Variants in DNAJA3 observed in about 807,000 individuals in gnomAD.
DNAJA3 encodes dnaJ homolog subfamily A member 3, mitochondrial.
A neutral mutation model predicts 54.9 loss-of-function variants in DNAJA3; 29 were observed. That is an observed-to-expected ratio of 0.53 (90% CI 0.39 to 0.72). DNAJA3 has a LOEUF of 0.72. DNAJA3 is among the 30% of genes least tolerant of loss of function. The pLI is 0.00. For synonymous variants in DNAJA3, 302 were observed against 251.4 expected, an observed-to-expected ratio of 1.20 and a Z score of -1.90; for missense variants, 708 against 639.4, an observed-to-expected ratio of 1.11 and a Z score of -1.16.
In DNAJA3 at chr16:4,455,707, A is replaced by C; in HGVS notation, c.*175A>C. ...AAATCATGGGACAACACCTCTCTCC[A>C]CGGAAAGGTCACAGTGGACAGCCCG... is the stretch of plus-strand genomic sequence containing the variant. On this transcript the variant is annotated 3_prime_UTR_variant, in exon 12 of 12. Transcript: ENST00000262375. 1.0e-6 allele frequency: 1 copy of C among 977,802 alleles called. No individual in the cohort carries two copies. Among genetic ancestry groups the C allele is most frequent in the Non-Finnish European group, 1.6e-6 (1 of 641,900 alleles). The allele number at this position is 977,802 out of a possible 1,614,324, so 60.6% of individuals were successfully genotyped here. A position where few individuals can be genotyped will look rare whatever the true frequency, so the allele number is the denominator to read the frequency against.
At chr16:4,448,316 C>T (rs532043789) in intron 8 of DNAJA3, among the ~76,000 whole-genome samples, 1 of 151,174 alleles carries the variant, frequency 6.6e-6, no homozygotes, top group Non-Finnish European at 1.5e-5. Flanking sequence ...TGAGCCACTG[C>T]GCCCGGCCTT....
intron 10 of DNAJA3, among the ~76,000 whole-genome samples, chr16:4,452,302 C>T (rs549266910): frequency 1.3e-5 from 2 of 152,240 alleles, no homozygotes; most frequent in African/African-American, 2.4e-5. Flanking sequence ...ACATAACATG[C>T]GAGATTGGTT....
chr16:4,442,230 C>G (rs2056844324), intron 4 of DNAJA3, 38 bp from the exon 5 acceptor site: 1 of 1,532,258 alleles, frequency 6.5e-7, no homozygotes, highest in Non-Finnish European at 8.8e-7. Flanking sequence ...TTGGTCGTTG[C>G]AAACAAAAGT....
intron 10 of DNAJA3, among the ~76,000 whole-genome samples, chr16:4,454,070 C>G (rs2057007860): frequency 6.6e-6 from 1 of 152,160 alleles, no homozygotes; most frequent in African/African-American, 2.4e-5. Flanking sequence ...CACAGCTTCC[C>G]TAGGTTGAGA....
chr16:4,430,414 T>C (rs930820762), intron 1 of DNAJA3: 2 of 151,544 alleles, frequency 1.3e-5, no homozygotes, highest in South Asian at 4.2e-4. Flanking sequence ...ATAGAAAAAG[T>C]TGGTCAGGCG....
At chr16:4,449,292 G>A (rs1348483351) in intron 9 of DNAJA3, among the ~76,000 whole-genome samples, 3 of 152,196 alleles carry the variant, frequency 2.0e-5, no homozygotes, top group Admixed American at 6.6e-5. Flanking sequence ...CACCATGCCC[G>A]GCCAGAATGG....
At chr16:4,437,051 A>T (rs1008783892) in intron 2 of DNAJA3, among the ~76,000 whole-genome samples, 4 of 151,800 alleles carry the variant, frequency 2.6e-5, no homozygotes, top group African/African-American at 4.8e-5. Context: ...GCTCACTGCA[A>T]CCTCCACCTC....
rs1037720685 is a variant in DNAJA3, at chr16:4,454,756, G to A, written c.1340-55G>A. The A allele has an allele frequency of 1.8e-5, 25 of 1,398,024 alleles. No homozygotes were observed. In the African/African-American group the frequency reaches 3.3e-4, roughly 18 times the overall value. 86.6% of individuals were successfully genotyped at this position (1,398,024 alleles called of 1,614,324 possible). ...GGCGGGGGTAGGTGGGCCCTGGGAT[G>A]TGACTGTGGAAGTGCAGGCCCATGA... is the stretch of plus-strand genomic sequence containing the variant. On this transcript the variant is annotated intron_variant, in intron 10 of 11. Transcript: ENST00000262375.
intron 1 of DNAJA3, among the ~76,000 whole-genome samples, chr16:4,427,595 A>C (rs569500567): frequency 7.9e-5 from 12 of 152,346 alleles, no homozygotes; most frequent in African/African-American, 2.6e-4. Context: ...ATTGTATGCC[A>C]GCCACTGTTC....
intron 6 of DNAJA3, among the ~76,000 whole-genome samples, chr16:4,444,107 A>G (rs2056872836): frequency 6.6e-6 from 1 of 152,192 alleles, no homozygotes; most frequent in Non-Finnish European, 1.5e-5. Context: ...CACCCCAGTG[A>G]GACCATGAAC....
At position 4,442,421 on chromosome 16, in the gene DNAJA3, G is replaced by C; in HGVS notation, c.783+1G>C. 1 of 1,592,070 alleles carries C rather than the reference G, an allele frequency of 6.3e-7. No homozygotes were observed. ...CCACTACTGTGGCGGCTCCGGCATG[G>C]TAAGGCTCTGCCCGAGACTCCACCT... is the stretch of plus-strand genomic sequence containing the variant. On this transcript the variant is annotated splice_donor_variant, in intron 5 of 11. Transcript: ENST00000262375. LOFTEE classifies it high-confidence loss of function.
At position 4,447,281 on chromosome 16, in the gene DNAJA3, A is replaced by G. The variant is rs2056914219; in HGVS notation, c.1125+267A>G. 6 of 446,026 alleles carry G rather than the reference A, an allele frequency of 1.3e-5. No homozygotes were observed. In the South Asian group the frequency reaches 1.7e-4, roughly 13 times the overall value. The allele number at this position is 446,026 out of a possible 1,614,324, so 27.6% of individuals were successfully genotyped here. On this transcript the variant is annotated intron_variant, in intron 8 of 11. Coordinates refer to ENST00000262375, the MANE Select transcript of DNAJA3 (RefSeq NM_005147.6). ...GGCCTGGGAACTGGGCGCATTCAGGACACAGAAGGGTTCACCCTGGGTTGT... is the reference window on the plus strand; with the variant it reads ...GGCCTGGGAACTGGGCGCATTCAGGGCACAGAAGGGTTCACCCTGGGTTGT...
chr16:4,426,021 C>G lies in DNAJA3; in HGVS notation c.140C>G (p.Ala47Gly). 6.2e-7 allele frequency: 1 copy of G among 1,608,350 alleles called. No individual in the cohort carries two copies. The highest frequency in any genetic ancestry group is 8.5e-7 in the Non-Finnish European group (1 of 1,177,876). The change falls in exon 1 of 12, where the codon GCC becomes GGC. Residue 47 changes from alanine to glycine, a missense_variant. Ala to Gly is a moderately conservative substitution (Grantham distance 60). Coordinates refer to ENST00000262375, the MANE Select transcript of DNAJA3 (RefSeq NM_005147.6). ...AWLSRKLSVP[A>G]FASSLTSCGP... ...CTGAGCCGCAAGCTGAGCGTCCCCG[C>G]CTTTGCGTCTTCCCTGACCTCTTGC...
intron 3 of DNAJA3, 194 bp downstream of exon 3, chr16:4,437,679 C>T (rs2056788019): frequency 2.0e-6 from 1 of 511,514 alleles, no homozygotes; most frequent in African/African-American, 1.9e-5. Flanking sequence ...CTCCTGTAGT[C>T]CTAGCACTTT....
chr16:4,449,219 A>C, intron 9 of DNAJA3, among the ~76,000 whole-genome samples: 1 of 151,694 alleles, frequency 6.6e-6, no homozygotes, highest in South Asian at 2.1e-4. Flanking sequence ...AGTGGCCTCA[A>C]TCTCCTGACC....
chr16:4,426,413 G>C (rs1291655292), intron 1 of DNAJA3, among the ~76,000 whole-genome samples: 1 of 152,170 alleles, frequency 6.6e-6, no homozygotes, highest in Non-Finnish European at 1.5e-5. Flanking sequence ...CTTCTAGCCC[G>C]TAGCGGAAGG....
chr16:4,437,786 C>CA (rs1209856777), intron 3 of DNAJA3, among the ~76,000 whole-genome samples: 6,066 of 76,708 alleles, frequency 0.079, 313 homozygotes, highest in African/African-American at 0.18. Context: ...CACGTCTCTA[C>CA]AAAAAAAAAA....
Position 4,444,698 on chromosome 16 carries a change from G to T in DNAJA3, c.966G>T (p.Val322=). 6.2e-7 allele frequency: 1 copy of T among 1,614,096 alleles called. No homozygotes were observed. Among genetic ancestry groups the T allele is most frequent in the African/African-American group, 1.3e-5 (1 of 75,034 alleles). The change falls in exon 7 of 12, where the codon GTG becomes GTT. Residue 322 remains valine (V), a synonymous_variant. Transcript: ENST00000262375. ...VEDGQTVRMP[V]GKREIFITFR... ...ATGGCCAGACCGTGAGGATGCCTGTGGGAAAAAGGGAAATTTTCATTACGT... is the reference window on the plus strand; with the variant it reads ...ATGGCCAGACCGTGAGGATGCCTGTTGGAAAAAGGGAAATTTTCATTACGT...
At chr16:4,432,967 C>T (rs1318162344) in intron 1 of DNAJA3, among the ~76,000 whole-genome samples, 1 of 151,470 alleles carries the variant, frequency 6.6e-6, no homozygotes, top group African/African-American at 2.4e-5. Flanking sequence ...CGGCGAAACC[C>T]CGTCTCTACT....
Sources: gnomAD v4.1 joint callset for allele counts (sites outside exome capture counted in the v4.1 genomes callset) on GRCh38, gnomAD v4.1.1 for gene constraint, MANE v1.5 for transcripts, NCBI Gene and HGNC (gene_info 2026-07-23, HGNC 2026-07-21) for gene names.